PMM2: variants seen among roughly 807,000 people sequenced by gnomAD.
PMM2 encodes mannose-6-phosphate isomerase.
Under a neutral mutation model 33.2 loss-of-function variants are expected in PMM2, and 35 were observed. That is an observed-to-expected ratio of 1.06 (90% CI 0.81 to 1.40). PMM2 has a LOEUF of 1.40. Among genes scored for constraint, PMM2 ranks in the 40% most tolerant of loss-of-function variants. The probability of loss-of-function intolerance (pLI) is 0.00; values close to 1 mark genes in which losing one functional copy is unlikely to be tolerated. For missense variants in PMM2, 386 were observed against 306.0 expected, an observed-to-expected ratio of 1.26 and a Z score of -1.95; for synonymous variants, 153 against 114.7, an observed-to-expected ratio of 1.33 and a Z score of -2.13.
At chr16:8,819,696 T>TA (rs5815501) in intron 7 of PMM2, among the ~76,000 whole-genome samples, 67,146 of 139,798 alleles carry the variant, frequency 0.48, 15,709 homozygotes, top group East Asian at 0.55. Flanking sequence ...CCTCGTCTCT[T>TA]AAAAAAAAAA....
At position 8,806,412 on chromosome 16, in the gene PMM2, G is replaced by A. The variant is rs1373876757; in HGVS notation, c.347+5G>A. The A allele has an allele frequency of 5.0e-6, 8 of 1,601,840 alleles. No individual in the cohort carries two copies. The African/African-American group carries it at 9.4e-5, about 19-fold the overall frequency. ...AATTAAACTCCCGAAGAAGAGGTGG[G>A]TTTGCTTTTAACAAAGAGGCGTCAC... On this transcript the variant is annotated splice_donor_5th_base_variant and intron_variant, in intron 4 of 7. Transcript: ENST00000268261.
At chr16:8,832,677 C>A in intron 7 of PMM2, 1 of 985,438 alleles carries the variant, frequency 1.0e-6, no homozygotes, top group Non-Finnish European at 1.2e-6. Context: ...CACCCCGCAC[C>A]CGTTCTCCAG....
chr16:8,811,132 G>A lies in PMM2; in HGVS notation c.401G>A (p.Arg134Lys), dbSNP rs1159211374. 3 of 1,578,160 alleles carry A rather than the reference G, an allele frequency of 1.9e-6. No homozygotes were observed. Among genetic ancestry groups the A allele is most frequent in the African/African-American group, 2.7e-5 (2 of 74,296 alleles). ...ATGTTAAACGTGTCCCCTATTGGAA[G>A]AAGCTGCAGCCAAGAAGAACGCATT... ...NGMLNVSPIGRSCSQEERIEF... is the reference protein window; with the variant it reads ...NGMLNVSPIGKSCSQEERIEF... The change falls in exon 5 of 8, where the codon AGA (arginine) becomes AAA (lysine). Residue 134 changes from arginine (R) to lysine (K), a missense_variant. Arg to Lys is a conservative substitution (Grantham distance 26). Coordinates refer to ENST00000268261, the MANE Select transcript of PMM2 (RefSeq NM_000303.3).
chr16:8,797,857 G>A lies in PMM2; in HGVS notation c.-26G>A. 1.2e-6 allele frequency: 2 copies of A among 1,608,910 alleles called. No homozygotes were observed. Among genetic ancestry groups the A allele is most frequent in the East Asian group, 2.2e-5 (1 of 44,698 alleles). On this transcript the variant is annotated 5_prime_UTR_variant, in exon 1 of 8. Transcript: ENST00000268261. ...CGAGTTCCTCGTGCCAACGTGTCTTGTAAGGTGCGGCTAGAAACTGGGGAC... is the reference window on the plus strand; with the variant it reads ...CGAGTTCCTCGTGCCAACGTGTCTTATAAGGTGCGGCTAGAAACTGGGGAC...
At chr16:8,837,670 C>T (rs1428430290) in intron 7 of PMM2, among the ~76,000 whole-genome samples, 7 of 151,786 alleles carry the variant, frequency 4.6e-5, no homozygotes, top group African/African-American at 1.7e-4. Context: ...CTTACCCCTC[C>T]CCTAGAAAAG....
At chr16:8,843,129 G>A (rs2060901265) in intron 7 of PMM2, among the ~76,000 whole-genome samples, 2 of 152,122 alleles carry the variant, frequency 1.3e-5, no homozygotes, top group Admixed American at 6.5e-5. Flanking sequence ...TGTCTAAGTT[G>A]GCACCAGAGT....
In PMM2 at chr16:8,806,447, G is replaced by A. The variant is rs142123453; in HGVS notation, c.347+40G>A. The A allele has an allele frequency of 2.8e-3, 3,402 of 1,218,064 alleles. 6 individuals are homozygous for A. Among genetic ancestry groups the A allele is most frequent in the African/African-American group, 6.3e-3 (426 of 67,408 alleles). 75.5% of individuals were successfully genotyped at this position (1,218,064 alleles called of 1,614,324 possible). On this transcript the variant is annotated intron_variant, in intron 4 of 7. Coordinates refer to ENST00000268261, the MANE Select transcript of PMM2 (RefSeq NM_000303.3). ...AACAAAGAGGCGTCACAGGAACATA[G>A]CGTAGTGTCACATGGTGGGCTAATG...
rs765599626 is a variant in PMM2 at position 8,847,729 on chromosome 16, C to T, written c.645C>T (p.Gly215=). Residue 215 remains glycine, a synonymous_variant, in exon 8 of 8, where the codon GGC becomes GGT. Coordinates refer to ENST00000268261, the MANE Select transcript of PMM2 (RefSeq NM_000303.3). ...TGTACTTCGTGTCTTTCCAGGGTGGCAATGACCATGAGATCTTCACAGACC... is the reference window on the plus strand; with the variant it reads ...TGTACTTCGTGTCTTTCCAGGGTGGTAATGACCATGAGATCTTCACAGACC... ...YFFGDKTMPG[G]NDHEIFTDPR... is the part of the protein sequence containing the mutation. The T allele has an allele frequency of 1.9e-6, 3 of 1,611,670 alleles. No individual in the cohort carries two copies. Among genetic ancestry groups the T allele is most frequent in the East Asian group, 2.2e-5 (1 of 44,864 alleles).
chr16:8,798,830 C>T (rs186712904), intron 1 of PMM2, among the ~76,000 whole-genome samples: 3 of 152,294 alleles, frequency 2.0e-5, no homozygotes, highest in South Asian at 2.1e-4. Flanking sequence ...AGCTTCTACC[C>T]TCACCCCTCA....
chr16:8,815,786 C>T (rs1198251491), intron 7 of PMM2, among the ~76,000 whole-genome samples: 5 of 151,974 alleles, frequency 3.3e-5, no homozygotes, highest in Non-Finnish European at 5.9e-5. Context: ...GCACAGGCAA[C>T]AAAAGCAAAA....
chr16:8,838,092 A>G (rs945228377), intron 7 of PMM2, among the ~76,000 whole-genome samples: 6 of 152,104 alleles, frequency 3.9e-5, no homozygotes, highest in Non-Finnish European at 8.8e-5. Context: ...GTGGTGGATT[A>G]TCATTAGTTC....
rs80338703 is a variant in PMM2, at chr16:8,811,146, G to A, written c.415G>A (p.Glu139Lys). The A allele has an allele frequency of 1.3e-6, 2 of 1,575,992 alleles. No homozygotes were observed. The highest frequency in any genetic ancestry group is 2.3e-5 in the East Asian group (1 of 43,492). ...VSPIGRSCSQ[E>K]ERIEFYELDK... Reference sequence around the variant, plus strand: ...CCCTATTGGAAGAAGCTGCAGCCAAGAAGAACGCATTGAGTTCTACGAACT... The same window carrying A: ...CCCTATTGGAAGAAGCTGCAGCCAAAAAGAACGCATTGAGTTCTACGAACT... Residue 139 changes from glutamate (E) to lysine (K), a missense_variant, in exon 5 of 8, where the codon GAA becomes AAA. Transcript: ENST00000268261.
At chr16:8,802,001 G>C (rs1596484208) in intron 2 of PMM2, 91 bp downstream of exon 2, 1 of 890,622 alleles carries the variant, frequency 1.1e-6, no homozygotes, top group Non-Finnish European at 1.8e-6. Context: ...CTAAAACCTT[G>C]TCCCCATATG....
chr16:8,824,638 C>A (rs1210697157), intron 7 of PMM2, among the ~76,000 whole-genome samples: 1 of 151,710 alleles, frequency 6.6e-6, no homozygotes, highest in African/African-American at 2.4e-5. Context: ...CCAAATATGC[C>A]TCTTTTGGAC....
At chr16:8,845,017 C>T (rs560635105) in intron 7 of PMM2, among the ~76,000 whole-genome samples, 6 of 152,304 alleles carry the variant, frequency 3.9e-5, no homozygotes, top group Non-Finnish European at 8.8e-5. Flanking sequence ...ATCTGAGTCA[C>T]GGCACCAAAT....
At chr16:8,825,891 G>C (rs1356860218) in intron 7 of PMM2, among the ~76,000 whole-genome samples, 1 of 151,830 alleles carries the variant, frequency 6.6e-6, no homozygotes, top group African/African-American at 2.4e-5. Context: ...GAGTAGCTGG[G>C]ACTACAGGCG....
Position 8,846,088 on chromosome 16 carries a change from A to G in PMM2, c.640-1636A>G, listed in dbSNP as rs1212337407. On this transcript the variant is annotated intron_variant, in intron 7 of 7. Coordinates refer to ENST00000268261, the MANE Select transcript of PMM2 (RefSeq NM_000303.3). ...AGTACAAGGCCCTGACAGGTTCCCAAGTGGCTGGACTGGAAGAGATGCCAA... is the reference window on the plus strand; with the variant it reads ...AGTACAAGGCCCTGACAGGTTCCCAGGTGGCTGGACTGGAAGAGATGCCAA... Among the ~76,000 whole-genome samples, 4 of 152,208 alleles carry G rather than the reference A, an allele frequency of 2.6e-5. No homozygotes were observed. In the East Asian group the frequency reaches 7.7e-4, roughly 29 times the overall value.
In PMM2 at chr16:8,797,923, A is replaced by C; in HGVS notation, c.41A>C (p.Asp14Ala). ...PGPALCLFDV[D>A]GTLTAPRQKI... ...CCAGCGCTCTGCCTCTTCGACGTGG[A>C]TGGGACCCTCACCGCCCCGCGGCAG... Residue 14 changes from aspartate to alanine, a missense_variant, in exon 1 of 8, where the codon GAT becomes GCT. By Grantham distance (126) the Asp-to-Ala change is moderately radical. Coordinates refer to ENST00000268261, the MANE Select transcript of PMM2 (RefSeq NM_000303.3). 6.2e-6 allele frequency: 10 copies of C among 1,610,246 alleles called. No individual in the cohort carries two copies. The highest frequency in any genetic ancestry group is 8.5e-6 in the Non-Finnish European group (10 of 1,178,754).
chr16:8,843,815 C>T (rs1037278709), intron 7 of PMM2, among the ~76,000 whole-genome samples: 1 of 151,998 alleles, frequency 6.6e-6, no homozygotes, highest in Non-Finnish European at 1.5e-5. Context: ...GGCCTTTTGA[C>T]CTTTTAGGGT....
Sources: allele counts gnomAD v4.1 joint callset (sites outside exome capture counted in the v4.1 genomes callset), GRCh38; gene constraint gnomAD v4.1.1; transcripts MANE v1.5; gene names NCBI Gene and HGNC (gene_info 2026-07-23, HGNC 2026-07-21).